The following UBA2 variants were observed in gnomAD, a reference collection of about 807,000 sequenced individuals.
The protein encoded by UBA2 is ubiquitin like modifier activating enzyme 2.
UBA2 carries 11 observed loss-of-function variants against 77.2 expected under a neutral mutation model. The ratio of observed to expected loss-of-function variants is 0.14; its 90% CI spans 0.09 to 0.24. The LOEUF is 0.24. UBA2 is among the 10% of genes least tolerant of loss of function. The pLI is 1.00. For missense variants in UBA2, 487 were observed against 781.7 expected (o/e 0.62, Z 4.50); for synonymous variants, 278 against 276.7 (o/e 1.00, Z -0.05).
intron 6 of UBA2, among the ~76,000 whole-genome samples, 192 bp downstream of exon 6, chr19:34,438,958 C>T (rs181964698): frequency 5.3e-5 from 8 of 152,190 alleles, no homozygotes; most frequent in South Asian, 2.1e-4. Flanking sequence ...CCTGTAATCC[C>T]GGCACTTTGG....
chr19:34,464,257 G>A (rs1470404165), intron 15 of UBA2, 126 bp downstream of exon 15: 2 of 634,330 alleles, frequency 3.2e-6, no homozygotes, highest in Non-Finnish European at 5.4e-6. Flanking sequence ...AGTATATTTG[G>A]TTGAGTTGGT....
chr19:34,428,389 G>A lies in UBA2; in HGVS notation c.-44G>A. 1 of 1,232,874 alleles carries A rather than the reference G, an allele frequency of 8.1e-7. No homozygotes were observed. The highest frequency in any genetic ancestry group is 3.2e-5 in the East Asian group (1 of 31,718). 76.4% of individuals were successfully genotyped at this position (1,232,874 alleles called of 1,614,324 possible). A position where few individuals can be genotyped will look rare whatever the true frequency, so the allele number is the denominator to read the frequency against. ...CCCACCCGCTTCCGGCCGCGGCTCG[G>A]TTCTCCCGCCTCCGCCTCCGCCGCG... is the stretch of plus-strand genomic sequence containing the variant. On this transcript the variant is annotated 5_prime_UTR_variant, in exon 1 of 17. Coordinates refer to ENST00000246548, the MANE Select transcript of UBA2 (RefSeq NM_005499.3).
chr19:34,457,322 G>A lies in UBA2; in HGVS notation c.1246-1447G>A, dbSNP rs567979891. ...GCGGAAGTTGCATTAAGCCGAGATCGCGCCATTGCACTCCAGCCTGGCAAC... is the reference window on the plus strand; with the variant it reads ...GCGGAAGTTGCATTAAGCCGAGATCACGCCATTGCACTCCAGCCTGGCAAC... On this transcript the variant is annotated intron_variant, in intron 12 of 16. Transcript: ENST00000246548. Among the ~76,000 whole-genome samples the A allele has an allele frequency of 3.3e-5, 5 of 150,468 alleles. No individual in the cohort carries two copies. In the South Asian group the frequency reaches 8.4e-4, roughly 25 times the overall value.
intron 8 of UBA2, among the ~76,000 whole-genome samples, chr19:34,449,920 TA>T (rs1330427964): frequency 6.6e-6 from 1 of 152,166 alleles, no homozygotes; most frequent in African/African-American, 2.4e-5. Flanking sequence ...TACAACTACA[TA>T]ATGTACATTT....
Position 34,441,930 on chromosome 19 carries a change from C to CAAA in UBA2, c.582-1902_582-1900dup, listed in dbSNP as rs71165656. ...AGCGAGACTGTGTCTCAGAAAAAGA[C>CAAA]AAAAAAAAAAAAAAGATAATGTGGC... On this transcript the variant is annotated intron_variant, in intron 6 of 16. Transcript: ENST00000246548. Among the ~76,000 whole-genome samples the CAAA allele has an allele frequency of 1.7e-3, 228 of 136,426 alleles. 5 individuals are homozygous for CAAA. Among genetic ancestry groups the CAAA allele is most frequent in the Admixed American group, 0.016 (222 of 13,546 alleles). The allele number at this position is 136,426 out of a possible 152,430, so 89.5% of individuals were successfully genotyped here. A position where few individuals can be genotyped will look rare whatever the true frequency, so the allele number is the denominator to read the frequency against.
At chr19:34,463,096 CA>C (rs1029404956) in intron 14 of UBA2, among the ~76,000 whole-genome samples, 376 of 120,564 alleles carry the variant, frequency 3.1e-3, no homozygotes, top group Admixed American at 3.2e-3. Flanking sequence ...GACTCTGTCT[CA>C]AAAAAAAAAA....
At chr19:34,452,775 T>G (rs2075515762) in intron 10 of UBA2, among the ~76,000 whole-genome samples, 1 of 152,206 alleles carries the variant, frequency 6.6e-6, no homozygotes, top group African/African-American at 2.4e-5. Context: ...GTCATGGGTC[T>G]TAAGGCATAA....
At chr19:34,444,872 C>G in intron 7 of UBA2, 128 bp from the exon 8 acceptor site, 1 of 936,070 alleles carries the variant, frequency 1.1e-6, no homozygotes, top group Non-Finnish European at 1.6e-6. Flanking sequence ...TTTCTTATTC[C>G]TTGAACTCAG....
intron 8 of UBA2, 119 bp downstream of exon 8, chr19:34,445,240 C>A: frequency 1.0e-6 from 1 of 980,992 alleles, no homozygotes; most frequent in Non-Finnish European, 1.5e-6. Context: ...ATGTATATGC[C>A]TTGTGATGTC....
intron 5 of UBA2, among the ~76,000 whole-genome samples, 188 bp downstream of exon 5, chr19:34,435,156 G>A (rs1459406244): frequency 6.6e-6 from 1 of 152,140 alleles, no homozygotes; most frequent in South Asian, 2.1e-4. Context: ...CCAGCACTTC[G>A]GGAGGCCGAG....
chr19:34,454,021 T>C (rs2145545010), intron 10 of UBA2, among the ~76,000 whole-genome samples: 1 of 152,260 alleles, frequency 6.6e-6, no homozygotes, highest in African/African-American at 2.4e-5. Context: ...CTGGTGATTC[T>C]TGGTGTTCTT....
At position 34,454,456 on chromosome 19, in the gene UBA2, A is replaced by G. The variant is rs1381275409; in HGVS notation, c.1145A>G (p.Asn382Ser). 3.8e-6 allele frequency: 6 copies of G among 1,598,092 alleles called. No individual in the cohort carries two copies. Among genetic ancestry groups the G allele is most frequent in the Non-Finnish European group, 5.1e-6 (6 of 1,173,112 alleles). Residue 382 changes from asparagine (N) to serine (S), a missense_variant, in exon 12 of 17, where the codon AAC becomes AGC. Around this residue, in one of 9 missense-constraint regions of UBA2, gnomAD observed 300 missense variants for 454.3 expected, o/e 0.66. Coordinates refer to ENST00000246548, the MANE Select transcript of UBA2 (RefSeq NM_005499.3). ...TTTTTTTTCCCAGCAATGGCAGGGA[A>G]CATTATTCCTGCTATTGCTACTACT... ...SRFDIKSMAGNIIPAIATTNA... is the reference protein window; with the variant it reads ...SRFDIKSMAGSIIPAIATTNA...
At chr19:34,454,223 G>T (rs369767486) in intron 10 of UBA2, 37 bp from the exon 11 acceptor site, 1 of 1,518,408 alleles carries the variant, frequency 6.6e-7, no homozygotes, top group African/African-American at 1.4e-5. Flanking sequence ...TAGTCAATTT[G>T]TGGAGAAACT....
Position 34,438,784 on chromosome 19 carries a change from T to G in UBA2, c.581+18T>G, listed in dbSNP as rs762868955. 11 of 1,611,858 alleles carry G rather than the reference T, an allele frequency of 6.8e-6. No individual in the cohort carries two copies. The highest frequency in any genetic ancestry group is 1.3e-5 in the African/African-American group (1 of 74,832). ...TTGTTCAAGTAAGAGTGTATATTTC[T>G]TGGCATGCTTTTCGGTACTGATGAT... is the stretch of plus-strand genomic sequence containing the variant. On this transcript the variant is annotated intron_variant, in intron 6 of 16. Transcript: ENST00000246548.
chr19:34,466,860 TGTGTG>T lies in UBA2; in HGVS notation c.1605-17_1605-13del. 6.2e-7 allele frequency: 1 copy of T among 1,611,482 alleles called. No individual in the cohort carries two copies. The highest frequency in any genetic ancestry group is 8.5e-7 in the Non-Finnish European group (1 of 1,179,208). On this transcript the variant is annotated splice_polypyrimidine_tract_variant and intron_variant, in intron 15 of 16. Transcript: ENST00000246548. ...TTTCTAAATAGTCATAGCAGTGACC[TGTGTG>T]ATTCTCCTACAGTGAAGACCTAGGA...
At chr19:34,433,097 C>T (rs1209223256) in intron 3 of UBA2, among the ~76,000 whole-genome samples, 1 of 152,202 alleles carries the variant, frequency 6.6e-6, no homozygotes, top group East Asian at 1.9e-4. Context: ...GAAGTCATGC[C>T]ATCTTTCTGC....
intron 15 of UBA2, 110 bp from the exon 16 acceptor site, chr19:34,466,768 C>G: frequency 1.3e-6 from 1 of 759,112 alleles, no homozygotes; most frequent in South Asian, 3.2e-5. Flanking sequence ...AAATTAGAAT[C>G]CACATATTTG....
chr19:34,441,230 C>T (rs933583636), intron 6 of UBA2, among the ~76,000 whole-genome samples: 4 of 151,816 alleles, frequency 2.6e-5, no homozygotes, highest in Admixed American at 6.6e-5. Context: ...CTGAGGCGAG[C>T]GGATCACGAG....
chr19:34,440,153 G>A (rs573203865), intron 6 of UBA2, among the ~76,000 whole-genome samples: 387 of 152,002 alleles, frequency 2.5e-3, no homozygotes, highest in African/African-American at 8.9e-3. Context: ...GCGAAACCCC[G>A]TCTCTACTAT....
Sources: gnomAD v4.1 joint callset for allele counts (sites outside exome capture counted in the v4.1 genomes callset) on GRCh38, gnomAD v4.1.1 for gene constraint, gnomAD v4.1.1 regional missense constraint, MANE v1.5 for transcripts, NCBI Gene and HGNC (gene_info 2026-07-23, HGNC 2026-07-21) for gene names.